Variants in PRSS55 observed in about 807,000 individuals in gnomAD.
The protein encoded by PRSS55 is serine protease 55, also known as probable serine protease UNQ9391/PRO34284.
Under a neutral mutation model 23.6 loss-of-function variants are expected in PRSS55, and 41 were observed. The ratio of observed to expected loss-of-function variants is 1.74; its 90% confidence interval spans 1.35 to 2.26. The LOEUF (loss-of-function observed/expected upper bound fraction) is 2.26, where lower values mean the gene tolerates loss of function less well. Among genes scored for constraint, PRSS55 ranks in the 30% most tolerant of loss-of-function variants. The probability of loss-of-function intolerance (pLI) is 0.00; values close to 1 mark genes in which losing one functional copy is unlikely to be tolerated. For missense variants in PRSS55, 669 were observed against 439.1 expected (o/e 1.52, Z -4.68); for synonymous variants, 262 against 175.5 (o/e 1.49, Z -3.90).
At chr8:10,546,016 G>C (rs1464766110) in intron 4 of PRSS55, among the ~76,000 whole-genome samples, 1 of 152,102 alleles carries the variant, frequency 6.6e-6, no homozygotes, top group Admixed American at 6.5e-5. Context: ...TGCGTGAGCA[G>C]CTGCTGGGCA....
intron 1 of PRSS55, among the ~76,000 whole-genome samples, chr8:10,526,702 G>A (rs1452853486): frequency 3.9e-5 from 6 of 152,218 alleles, no homozygotes; most frequent in Non-Finnish European, 7.3e-5. Context: ...GGATCCCATT[G>A]ATGCAAAATG....
Position 10,529,705 on chromosome 8 carries a change from T to A in PRSS55, c.347+6T>A. ...TTATATTCCGAGGAGCTGTTGTAAG[T>A]ACCATGGGCCTCCCACTGCCACCTC... On this transcript the variant is annotated splice_donor_region_variant and intron_variant, in intron 2 of 4. Transcript: ENST00000328655. 6.2e-7 allele frequency: 1 copy of A among 1,606,636 alleles called. No individual in the cohort carries two copies.
intron 4 of PRSS55, 118 bp downstream of exon 4, chr8:10,533,166 A>G (rs577882676): frequency 1.8e-6 from 2 of 1,103,042 alleles, no homozygotes; most frequent in East Asian, 5.0e-5. Context: ...ATGTATGGGA[A>G]TTAGGGCCTG....
At chr8:10,544,962 A>T (rs1316891199) in intron 4 of PRSS55, 1 of 973,714 alleles carries the variant, frequency 1.0e-6, no homozygotes, top group African/African-American at 1.8e-5. Context: ...TTTTATATTA[A>T]CTTTAACAGG....
downstream of PRSS55, among the ~76,000 whole-genome samples, chr8:10,543,790 C>T (rs1812739038): frequency 6.6e-6 from 1 of 151,608 alleles, no homozygotes; most frequent in Admixed American, 6.6e-5. Context: ...TCTTTTTACT[C>T]ATTGATTATT....
At chr8:10,543,500 G>T (rs1480040524), downstream of PRSS55, among the ~76,000 whole-genome samples, 2 of 105,110 alleles carry the variant, frequency 1.9e-5, no homozygotes, top group Admixed American at 1.3e-4. Context: ...TTTTTCCAAG[G>T]TCTTCACTCT....
At chr8:10,540,673 C>CTT (rs1285671021), downstream of PRSS55, 54 of 152,210 alleles carry the variant, frequency 3.5e-4, no homozygotes, top group African/African-American at 1.2e-3. Context: ...GGAGATCACG[C>CTT]CACTGCACTC....
At chr8:10,537,262 T>G (rs979644489) in intron 4 of PRSS55, among the ~76,000 whole-genome samples, 3 of 152,090 alleles carry the variant, frequency 2.0e-5, no homozygotes, top group Non-Finnish European at 4.4e-5. Context: ...TAAAGAAAAT[T>G]AGGCAGTATA....
At chr8:10,548,697 G>T (rs1368274646) in intron 4 of PRSS55, among the ~76,000 whole-genome samples, 3 of 152,212 alleles carry the variant, frequency 2.0e-5, no homozygotes, top group African/African-American at 4.8e-5. Context: ...CACAAGGTGG[G>T]ACCCGGCAGC....
rs1410195760 is a variant in PRSS55 at position 10,529,698 on chromosome 8, T to C, written c.346T>C (p.Phe116Leu). 5 of 1,611,184 alleles carry C rather than the reference T, an allele frequency of 3.1e-6. No individual in the cohort carries two copies. Among genetic ancestry groups the C allele is most frequent in the African/African-American group, 1.3e-5 (1 of 75,012 alleles). ...AAHCLYSEELFPEELSVVLGT... is the reference protein window; with the variant it reads ...AAHCLYSEELLPEELSVVLGT... The stretch of plus-strand genomic sequence containing the variant: ...TCACTGCTTATATTCCGAGGAGCTG[T>C]TGTAAGTACCATGGGCCTCCCACTG... Residue 116 changes from phenylalanine (F) to leucine (L), a missense_variant and splice_region_variant, in exon 2 of 5, where the codon TTT (phenylalanine) becomes CTT (leucine). Phe to Leu is a conservative substitution (Grantham distance 22). Coordinates refer to ENST00000328655, the MANE Select transcript of PRSS55 (RefSeq NM_198464.4).
chr8:10,529,466 G>T (rs761013767), intron 1 of PRSS55, 41 bp from the exon 2 acceptor site: 2 of 1,598,498 alleles, frequency 1.3e-6, no homozygotes, highest in South Asian at 2.2e-5. Context: ...TGCTGACTAA[G>T]TGTTTCCCCT....
chr8:10,545,033 G>C, intron 4 of PRSS55: 2 of 984,940 alleles, frequency 2.0e-6, no homozygotes, highest in Non-Finnish European at 2.4e-6. Context: ...ATGGTGGCCT[G>C]CACCTGTGCT....
downstream of PRSS55, chr8:10,538,830 G>A (rs774036352): frequency 1.3e-6 from 2 of 1,505,876 alleles, no homozygotes; most frequent in Non-Finnish European, 1.8e-6. Context: ...CCGAGGGAGG[G>A]TGCATGCAAG....
chr8:10,537,372 A>G (rs1030174714), intron 4 of PRSS55, among the ~76,000 whole-genome samples: 1 of 152,240 alleles, frequency 6.6e-6, no homozygotes, highest in African/African-American at 2.4e-5. Flanking sequence ...TAAGCCAGGT[A>G]CAGAAAGACA....
intron 2 of PRSS55, 46 bp downstream of exon 2, chr8:10,529,745 C>A: frequency 4.5e-6 from 7 of 1,553,918 alleles, no homozygotes; most frequent in Non-Finnish European, 5.3e-6. Flanking sequence ...GGCGCCCACC[C>A]CTGGGGCACC....
intron 4 of PRSS55, among the ~76,000 whole-genome samples, chr8:10,551,963 C>T (rs1046917459): frequency 5.9e-5 from 9 of 152,170 alleles, no homozygotes; most frequent in African/African-American, 1.7e-4. Context: ...AAACATTGCC[C>T]GTTTGGCTAA....
intron 4 of PRSS55, among the ~76,000 whole-genome samples, chr8:10,548,126 C>T (rs2117081274): frequency 6.6e-6 from 1 of 152,280 alleles, no homozygotes; most frequent in South Asian, 2.1e-4. Context: ...ATTCCCAGAG[C>T]TTTGCAGAAT....
downstream of PRSS55, among the ~76,000 whole-genome samples, chr8:10,539,924 T>C (rs1812597345): frequency 6.6e-6 from 1 of 152,250 alleles, no homozygotes; most frequent in Non-Finnish European, 1.5e-5. Flanking sequence ...TTCTCTCTTT[T>C]GAGGCAGGCA....
rs73533718 is a variant in PRSS55, at chr8:10,538,247, C to T, written c.742-229C>T. ...CTTACCAAGGCTTCCCCCTTCCTTC[C>T]CCATCTTCAGTCCTGTCTCATCCAC... On this transcript the variant is annotated intron_variant, in intron 4 of 4. Transcript: ENST00000328655. Among the ~76,000 whole-genome samples, 556 of 152,252 alleles carry T rather than the reference C, an allele frequency of 3.7e-3. 4 individuals carry two copies. Among genetic ancestry groups the T allele is most frequent in the African/African-American group, 0.013 (540 of 41,534 alleles).
Sources: allele counts gnomAD v4.1 joint callset (sites outside exome capture counted in the v4.1 genomes callset), GRCh38; gene constraint gnomAD v4.1.1; transcripts MANE v1.5; gene names NCBI Gene and HGNC (gene_info 2026-07-23, HGNC 2026-07-21).